The following SCN10A variants were observed in gnomAD, a reference collection of about 807,000 sequenced individuals.
SCN10A encodes the protein sodium voltage-gated channel alpha subunit 10, also known as sodium channel protein type 10 subunit alpha.
In SCN10A, 162 loss-of-function variants were observed where a neutral mutation model predicts 170.7. The ratio of observed to expected loss-of-function variants is 0.95; its 90% CI spans 0.84 to 1.08. SCN10A has a LOEUF of 1.08. SCN10A is among the 50% of genes least tolerant of loss of function. The pLI, the probability that SCN10A is intolerant of heterozygous loss-of-function variation, is 0.00. For missense variants in SCN10A, 2,527 were observed against 2,436.9 expected (o/e 1.04, Z -0.78); for synonymous variants, 985 against 904.6 (o/e 1.09, Z -1.59).
chr3:38,734,679 T>C (rs2063542564), intron 15 of SCN10A, among the ~76,000 whole-genome samples: 1 of 152,196 alleles, frequency 6.6e-6, no homozygotes, highest in Non-Finnish European at 1.5e-5. Context: ...GAGAACTTCC[T>C]GAACTGATAA....
intron 4 of SCN10A, among the ~76,000 whole-genome samples, chr3:38,775,372 A>G (rs879582740): frequency 6.6e-6 from 1 of 152,152 alleles, no homozygotes; most frequent in Non-Finnish European, 1.5e-5. Context: ...ACTTAGCACA[A>G]TGCTTTGTCA....
chr3:38,771,125 C>T (rs1327437621), intron 5 of SCN10A, among the ~76,000 whole-genome samples, 154 bp downstream of exon 5: 1 of 152,140 alleles, frequency 6.6e-6, no homozygotes, highest in Non-Finnish European at 1.5e-5. Context: ...TTCAGTTCTC[C>T]TGGTATATTC....
At chr3:38,794,957 T>C (rs2064329427) in intron 1 of SCN10A, among the ~76,000 whole-genome samples, 1 of 152,150 alleles carries the variant, frequency 6.6e-6, no homozygotes, top group African/African-American at 2.4e-5. Context: ...TCTTACAACA[T>C]GAGAGGTATC....
chr3:38,723,678 C>T lies in SCN10A; in HGVS notation c.3229-125G>A, dbSNP rs972690319. 10 of 1,173,208 alleles carry T rather than the reference C, an allele frequency of 8.5e-6. No homozygotes were observed. The African/African-American group carries it at 1.5e-4, about 18-fold the overall frequency. The allele number at this position is 1,173,208 out of a possible 1,614,324, so 72.7% of individuals were successfully genotyped here. On this transcript the variant is annotated intron_variant, in intron 18 of 27. Coordinates refer to ENST00000449082, the MANE Select transcript of SCN10A (RefSeq NM_006514.4). ...TCGCCAGCTGAGGCCTGGAACACTG[C>T]TCTTCTCCCTGGAGCCCCAGAGGCT...
chr3:38,751,294 G>T (rs563281935), intron 12 of SCN10A, among the ~76,000 whole-genome samples: 1 of 152,280 alleles, frequency 6.6e-6, no homozygotes, highest in African/African-American at 2.4e-5. Flanking sequence ...GCATGTAACA[G>T]CTTCCCCCTG....
At chr3:38,784,352 A>G (rs1215740850) in intron 4 of SCN10A, among the ~76,000 whole-genome samples, 1 of 152,188 alleles carries the variant, frequency 6.6e-6, no homozygotes, top group Non-Finnish European at 1.5e-5. Context: ...AACGTAATCC[A>G]TCACACAAAC....
Position 38,750,157 on chromosome 3 carries a change from A to C in SCN10A, c.1783T>G (p.Phe595Val). 6.2e-7 allele frequency: 1 copy of C among 1,612,770 alleles called. No homozygotes were observed. Among genetic ancestry groups the C allele is most frequent in the South Asian group, 1.1e-5 (1 of 90,802 alleles). Residue 595 changes from phenylalanine to valine, a missense_variant, in exon 13 of 28, where the codon TTC (phenylalanine) becomes GTC (valine). Phe to Val is a conservative substitution (Grantham distance 50, BLOSUM62 -1). Coordinates refer to ENST00000449082, the MANE Select transcript of SCN10A (RefSeq NM_006514.4). ...TCATCTAAGTATTCTGCTGACAAGAAAGTCTTCTTTTGTCCTGCATCGAAT... is the reference window on the plus strand; with the variant it reads ...TCATCTAAGTATTCTGCTGACAAGACAGTCTTCTTTTGTCCTGCATCGAAT... ...SAFDAGQKKT[F>V]LSAEYLDEPF...
At chr3:38,790,612 C>T (rs1575181465) in intron 3 of SCN10A, among the ~76,000 whole-genome samples, 2 of 151,580 alleles carry the variant, frequency 1.3e-5, no homozygotes, top group African/African-American at 4.8e-5. Context: ...CAACAACTAC[C>T]CAAGCAGAGA....
intron 4 of SCN10A, 99 bp from the exon 5 acceptor site, chr3:38,771,506 C>A: frequency 1.7e-6 from 2 of 1,192,796 alleles, no homozygotes; most frequent in African/African-American, 1.5e-5. Flanking sequence ...CTGACTGCTC[C>A]AAGAAAAAAC....
intron 4 of SCN10A, among the ~76,000 whole-genome samples, chr3:38,787,764 T>C (rs771009038): frequency 2.6e-5 from 4 of 152,128 alleles, no homozygotes; most frequent in African/African-American, 4.8e-5. Context: ...GGTGGTTTGC[T>C]GCACCCTTCA....
At chr3:38,796,489 CTTTA>C (rs1331037732) in intron 1 of SCN10A, among the ~76,000 whole-genome samples, 1 of 152,092 alleles carries the variant, frequency 6.6e-6, no homozygotes, top group African/African-American at 2.4e-5. Context: ...TATGTGATAT[CTTTA>C]TTTAAAATCA....
intron 1 of SCN10A, among the ~76,000 whole-genome samples, chr3:38,795,517 AT>A (rs1207445296): frequency 2.6e-5 from 4 of 151,698 alleles, no homozygotes; most frequent in South Asian, 2.1e-4. Context: ...TTTTGAAAAA[AT>A]TTTTTTGTAG....
chr3:38,736,963 GTTTTTTTTTTT>G (rs71085334), intron 15 of SCN10A, among the ~76,000 whole-genome samples: 2 of 46,666 alleles, frequency 4.3e-5, no homozygotes, highest in African/African-American at 1.0e-4. Context: ...AGAAATGTTC[GTTTTTTTTTTT>G]TTTTTTTTTT....
chr3:38,720,991 C>A (rs1348324654), intron 20 of SCN10A, among the ~76,000 whole-genome samples: 2 of 152,176 alleles, frequency 1.3e-5, no homozygotes, highest in Non-Finnish European at 2.9e-5. Flanking sequence ...GCACCTGCAG[C>A]CGCTGTCACA....
intron 4 of SCN10A, among the ~76,000 whole-genome samples, chr3:38,788,654 C>G (rs1183763301): frequency 6.6e-6 from 1 of 152,006 alleles, no homozygotes; most frequent in South Asian, 2.1e-4. Flanking sequence ...CTCATCTTCC[C>G]AGGCCACCTT....
chr3:38,700,909 C>T (rs1335782873), intron 27 of SCN10A, among the ~76,000 whole-genome samples: 1 of 152,192 alleles, frequency 6.6e-6, no homozygotes, highest in East Asian at 1.9e-4. Flanking sequence ...GGTCAAACTT[C>T]AGCTAACCCA....
chr3:38,757,867 C>T (rs2063826727), intron 8 of SCN10A, among the ~76,000 whole-genome samples: 1 of 152,168 alleles, frequency 6.6e-6, no homozygotes, highest in Admixed American at 6.5e-5. Flanking sequence ...GGTGGGAATG[C>T]TGAACTCCTT....
chr3:38,789,236 A>C (rs1342556350), intron 3 of SCN10A, among the ~76,000 whole-genome samples, 200 bp from the exon 4 acceptor site: 2 of 152,156 alleles, frequency 1.3e-5, no homozygotes, highest in South Asian at 2.1e-4. Flanking sequence ...AATACAACTG[A>C]TCTACAGGTG....
intron 25 of SCN10A, among the ~76,000 whole-genome samples, chr3:38,708,155 A>T (rs1330291110): frequency 1.3e-5 from 2 of 152,104 alleles, no homozygotes; most frequent in Non-Finnish European, 2.9e-5. Context: ...TTGAAAGGAG[A>T]TCTGAGAAGA....
Sources: allele counts gnomAD v4.1 joint callset (sites outside exome capture counted in the v4.1 genomes callset), GRCh38; gene constraint gnomAD v4.1.1; transcripts MANE v1.5; gene names NCBI Gene and HGNC (gene_info 2026-07-23, HGNC 2026-07-21).